Variants in TDRP observed in about 807,000 individuals in gnomAD.
TDRP encodes the protein testis development related protein.
In TDRP, 12 loss-of-function variants were observed where a neutral mutation model predicts 10.5. The ratio of observed to expected loss-of-function variants is 1.15; its 90% CI spans 0.73 to 1.86. The LOEUF (loss-of-function observed/expected upper bound fraction) is 1.86, where lower values mean the gene tolerates loss of function less well. Ranked by LOEUF, TDRP falls within the 40% of genes most tolerant of loss-of-function variation. The pLI, the probability that TDRP is intolerant of heterozygous loss-of-function variation, is 0.00. For missense variants in TDRP, 353 were observed against 229.2 expected, an observed-to-expected ratio of 1.54 and a Z score of -3.49; for synonymous variants, 139 against 95.4, an observed-to-expected ratio of 1.46 and a Z score of -2.67.
At chr8:519,560 A>G (rs1232367336) in intron 1 of TDRP, among the ~76,000 whole-genome samples, 3 of 151,884 alleles carry the variant, frequency 2.0e-5, no homozygotes, top group Non-Finnish European at 2.9e-5. Context: ...CTATATACAG[A>G]CTGAAAAACC....
chr8:503,594 C>G (rs1254325675), intron 1 of TDRP, among the ~76,000 whole-genome samples: 1 of 145,580 alleles, frequency 6.9e-6, no homozygotes, highest in East Asian at 2.0e-4. Context: ...CACATCAGAA[C>G]CTGTACCCAC....
intron 1 of TDRP, among the ~76,000 whole-genome samples, chr8:533,626 C>G (rs186156197): frequency 6.6e-6 from 1 of 152,154 alleles, no homozygotes. Context: ...CAAAATACAA[C>G]CAAGGGGTTA....
At chr8:499,031 G>A (rs1801213592) in intron 1 of TDRP, among the ~76,000 whole-genome samples, 1 of 152,256 alleles carries the variant, frequency 6.6e-6, no homozygotes, top group Non-Finnish European at 1.5e-5. Context: ...CCCAGTCTCA[G>A]GTAGTTCTTT....
chr8:535,189 G>A (rs1258301425), intron 1 of TDRP, among the ~76,000 whole-genome samples: 1 of 152,032 alleles, frequency 6.6e-6, no homozygotes. Context: ...CAGCCCCCAA[G>A]GCCTCTCCTT....
At chr8:543,999 A>C (rs961410806) in intron 1 of TDRP, among the ~76,000 whole-genome samples, 1 of 152,124 alleles carries the variant, frequency 6.6e-6, no homozygotes, top group African/African-American at 2.4e-5. Context: ...TTCAATTACA[A>C]AATTCTAGAC....
At chr8:530,305 A>G (rs1167132631) in intron 1 of TDRP, among the ~76,000 whole-genome samples, 1 of 152,076 alleles carries the variant, frequency 6.6e-6, no homozygotes, top group Non-Finnish European at 1.5e-5. Flanking sequence ...CTTTAAGATG[A>G]TCATTTTGAA....
At chr8:520,143 G>C (rs541501173) in intron 1 of TDRP, among the ~76,000 whole-genome samples, 1 of 152,330 alleles carries the variant, frequency 6.6e-6, no homozygotes, top group South Asian at 2.1e-4. Context: ...AACACGGTTT[G>C]AAGCCAAGCT....
chr8:538,161 G>A (rs557245517), intron 1 of TDRP, among the ~76,000 whole-genome samples: 1 of 152,216 alleles, frequency 6.6e-6, no homozygotes, highest in Non-Finnish European at 1.5e-5. Context: ...GCTGTGATTT[G>A]CAGCCAACCG....
At chr8:514,406 T>C (rs1447358002) in intron 1 of TDRP, among the ~76,000 whole-genome samples, 1 of 152,146 alleles carries the variant, frequency 6.6e-6, no homozygotes, top group Non-Finnish European at 1.5e-5. Flanking sequence ...AAGCCACATG[T>C]AAGAAAATGA....
At chr8:521,933 CTTCA>C (rs901604637) in intron 1 of TDRP, among the ~76,000 whole-genome samples, 77 of 152,132 alleles carry the variant, frequency 5.1e-4, no homozygotes, top group African/African-American at 1.7e-3. Context: ...CTTTCACCTC[CTTCA>C]TTATTTCTAA....
At chr8:513,598 G>A (rs76151956) in intron 1 of TDRP, among the ~76,000 whole-genome samples, 7,468 of 152,262 alleles carry the variant, frequency 0.049, 251 homozygotes, top group African/African-American at 0.081. Flanking sequence ...GCAGGAACAA[G>A]ACAAGGAAGC....
intron 1 of TDRP, among the ~76,000 whole-genome samples, chr8:518,959 T>A (rs1159201795): frequency 2.6e-5 from 4 of 152,204 alleles, no homozygotes; most frequent in African/African-American, 7.2e-5. Flanking sequence ...ATGAGATGAC[T>A]GACAGGAGGC....
At chr8:543,670 G>C (rs1253299270) in intron 1 of TDRP, among the ~76,000 whole-genome samples, 1 of 152,004 alleles carries the variant, frequency 6.6e-6, no homozygotes, top group Non-Finnish European at 1.5e-5. Context: ...CCATGAGTTA[G>C]GAATGGAATT....
intron 1 of TDRP, among the ~76,000 whole-genome samples, chr8:521,336 G>A (rs374722994): frequency 7.2e-4 from 109 of 151,946 alleles, no homozygotes; most frequent in African/African-American, 2.6e-3. Context: ...AGAATGGCGT[G>A]AACCCGGGAG....
At chr8:537,077 C>A (rs1802365560) in intron 1 of TDRP, among the ~76,000 whole-genome samples, 2 of 152,342 alleles carry the variant, frequency 1.3e-5, no homozygotes, top group Middle Eastern at 3.4e-3. Flanking sequence ...TCCAGAGTTC[C>A]CACCCTGACT....
intron 1 of TDRP, among the ~76,000 whole-genome samples, chr8:496,731 C>G (rs143346487): frequency 3.5e-4 from 53 of 152,286 alleles, no homozygotes; most frequent in African/African-American, 1.2e-3. Context: ...CTCTGTGTCC[C>G]CACACAAGTC....
At chr8:504,030 C>T (rs1453441255) in intron 1 of TDRP, among the ~76,000 whole-genome samples, 1 of 151,366 alleles carries the variant, frequency 6.6e-6, no homozygotes, top group Non-Finnish European at 1.5e-5. Context: ...CACACCAACA[C>T]GGAATCCAGA....
At chr8:524,290 T>C (rs1273835325) in intron 1 of TDRP, among the ~76,000 whole-genome samples, 1 of 152,062 alleles carries the variant, frequency 6.6e-6, no homozygotes, top group Non-Finnish European at 1.5e-5. Context: ...AACACCCAAG[T>C]CCCTTTGAAT....
chr8:544,654 G>T lies in TDRP; in HGVS notation c.104C>A (p.Ala35Glu), dbSNP rs1584889988. Residue 35 changes from alanine (A) to glutamate (E), a missense_variant, in exon 1 of 3, where the codon GCG becomes GAG. Coordinates refer to ENST00000324079, the MANE Select transcript of TDRP (RefSeq NM_001384899.1). ...CCCACCTGCGCACCCCCTCACCTGC[G>T]CCTGGGCGGCGGCGGCGGCGGCCGG... ...PPPAAAAAAQ[A>E]QVQGASFRGW... is the part of the protein sequence containing the mutation. The T allele has an allele frequency of 8.2e-6, 10 of 1,223,640 alleles. No homozygotes were observed. The highest frequency in any genetic ancestry group is 7.9e-5 in the African/African-American group (5 of 63,506). The allele number at this position is 1,223,640 out of a possible 1,614,324, so 75.8% of individuals were successfully genotyped here. A position where few individuals can be genotyped will look rare whatever the true frequency, so the allele number is the denominator to read the frequency against.
Sources: allele counts gnomAD v4.1 joint callset (sites outside exome capture counted in the v4.1 genomes callset), GRCh38; gene constraint gnomAD v4.1.1; transcripts MANE v1.5; gene names NCBI Gene and HGNC (gene_info 2026-07-23, HGNC 2026-07-21).